Variants in COL18A1 observed in about 807,000 individuals in gnomAD.
COL18A1 encodes collagen type XVIII alpha 1 chain, also known as collagen alpha-1(XVIII) chain.
COL18A1 carries 133 observed loss-of-function variants against 168.0 expected under a neutral mutation model. The observed-to-expected ratio is 0.79, with a 90% CI of 0.69 to 0.91. COL18A1 has a LOEUF of 0.91. Among genes scored for constraint, COL18A1 ranks in the 40% least tolerant of loss-of-function variants. COL18A1 has a pLI of 0.00. For synonymous variants in COL18A1, 949 were observed against 809.0 expected (o/e 1.17, Z -2.94); for missense variants, 2,126 against 1,925.4 (o/e 1.10, Z -1.95).
At chr21:45,501,340 G>A (rs1291644191) in intron 32 of COL18A1, among the ~76,000 whole-genome samples, 1 of 152,072 alleles carries the variant, frequency 6.6e-6, no homozygotes, top group African/African-American at 2.4e-5. Context: ...CTGAACATCA[G>A]GTCTGACAGG....
rs572421102 is a variant in COL18A1, at chr21:45,471,991, C to T, written c.652-1904C>T. On this transcript the variant is annotated intron_variant, in intron 3 of 41. Transcript: ENST00000651438. This position sits in a 1 kb window ranked among gnomAD's most constrained non-coding sequence, Gnocchi z 4.4. ...TCAGAGCTTCTCTGCCCTCTGTAGTCGCCCCCCACCCAGGCACCCTGTAGC... is the reference window on the plus strand; with the variant it reads ...TCAGAGCTTCTCTGCCCTCTGTAGTTGCCCCCCACCCAGGCACCCTGTAGC... 6.6e-6 allele frequency among the ~76,000 whole-genome samples: 1 copy of T among 152,290 alleles called. No individual in the cohort carries two copies. Among genetic ancestry groups the T allele is most frequent in the African/African-American group, 2.4e-5 (1 of 41,566 alleles).
At chr21:45,479,064 A>G (rs1335638939) in intron 9 of COL18A1, among the ~76,000 whole-genome samples, 1 of 143,248 alleles carries the variant, frequency 7.0e-6, no homozygotes, top group Non-Finnish European at 1.5e-5. Context: ...CCACTGCAAC[A>G]GGGTACACGC....
intron 2 of COL18A1, 65 bp from the exon 3 acceptor site, chr21:45,468,177 G>T: frequency 6.3e-7 from 1 of 1,577,120 alleles, no homozygotes; most frequent in South Asian, 1.1e-5. Context: ...GCCTCTCCAG[G>T]CCGCGTCGGT....
At chr21:45,479,338 ATACACACAC>A (rs987230186) in intron 9 of COL18A1, among the ~76,000 whole-genome samples, 7 of 149,028 alleles carry the variant, frequency 4.7e-5, no homozygotes, top group African/African-American at 1.2e-4. Context: ...ATACACTTGC[ATACACACAC>A]TACACACACG....
chr21:45,448,892 C>T (rs907583456), intron 2 of COL18A1, among the ~76,000 whole-genome samples: 7 of 152,296 alleles, frequency 4.6e-5, no homozygotes, highest in East Asian at 1.9e-4. Flanking sequence ...TTCTTCCTAA[C>T]GTGGCAGTCC....
rs189259306 is a variant in COL18A1, at chr21:45,415,972, G to A, written c.106+10499G>A. Among the ~76,000 whole-genome samples, 28 of 152,276 alleles carry A rather than the reference G, an allele frequency of 1.8e-4. 1 individual carries two copies. Among genetic ancestry groups the A allele is most frequent in the Middle Eastern group, 3.4e-3 (1 of 294 alleles). ...ACACTGCGTGGGCCCTCGGCTATCT[G>A]GAATGCCTCGCCGGGCCTTTCAATT... is the stretch of plus-strand genomic sequence containing the variant. On this transcript the variant is annotated intron_variant, in intron 2 of 41. Coordinates refer to ENST00000651438, the MANE Select transcript of COL18A1 (RefSeq NM_001379500.1).
intron 2 of COL18A1, chr21:45,455,846 A>T: frequency 6.2e-7 from 1 of 1,613,100 alleles, no homozygotes; most frequent in Non-Finnish European, 8.5e-7. Context: ...GCCAGAGGAG[A>T]ACATTGCCGG....
chr21:45,491,135 TCTGGGCACCCCCTCCAGGG>T, intron 21 of COL18A1, 71 bp from the exon 22 acceptor site: 1 of 1,205,190 alleles, frequency 8.3e-7, no homozygotes, highest in South Asian at 1.2e-5. Context: ...CACCGTGGGC[TCTGGGCACCCCCTCCAGGG>T]CTGGGTGGAC....
rs774716380 is a variant in COL18A1, at chr21:45,457,730, C to T, written c.107-10512C>T. ...GCAGCCTTGGCCCAGAGGCCCTATC[C>T]CCGCAGGGTGAGGTGCTCTGTCCTC... On this transcript the variant is annotated intron_variant, in intron 2 of 41. Transcript: ENST00000651438. The surrounding 1 kb of genome is among the most constrained non-coding windows in gnomAD (Gnocchi z 4.6). Among the ~76,000 whole-genome samples, 20 of 152,202 alleles carry T rather than the reference C, an allele frequency of 1.3e-4. No individual in the cohort carries two copies. Among genetic ancestry groups the T allele is most frequent in the Non-Finnish European group, 1.2e-4 (8 of 68,040 alleles).
intron 29 of COL18A1, 155 bp downstream of exon 29, chr21:45,495,587 C>A: frequency 1.6e-6 from 1 of 626,892 alleles, no homozygotes; most frequent in Non-Finnish European, 2.8e-6. Context: ...TACCCATGCA[C>A]AGTCATACAT....
rs1383574663 is a variant in COL18A1, at chr21:45,477,437, G to C, written c.955G>C (p.Val319Leu). The C allele has an allele frequency of 6.2e-7, 1 of 1,613,084 alleles. No individual in the cohort carries two copies. The highest frequency in any genetic ancestry group is 8.5e-7 in the Non-Finnish European group (1 of 1,179,688). Residue 319 changes from valine to leucine, a missense_variant, in exon 7 of 42, where the codon GTC becomes CTC. Transcript: ENST00000651438. ...TCAGACACTTCCTGGCTCAGATTCTGTCTCCACGTGGGACGGGAGTGTCCG... is the reference window on the plus strand; with the variant it reads ...TCAGACACTTCCTGGCTCAGATTCTCTCTCCACGTGGGACGGGAGTGTCCG... ...GAQTLPGSDS[V>L]STWDGSVRTP...
chr21:45,484,234 A>G (rs565536971), intron 15 of COL18A1, among the ~76,000 whole-genome samples: 43 of 145,184 alleles, frequency 3.0e-4, no homozygotes, highest in African/African-American at 1.1e-3. Context: ...GCATATGTGC[A>G]CACACACCTC....
rs770031049 is a variant in COL18A1, at chr21:45,509,400, C to T, written c.3294C>T (p.His1098=). The change falls in exon 39 of 42, where the codon CAC becomes CAT. Residue 1098 remains histidine, a synonymous_variant. Transcript: ENST00000651438. ...AALQPPVVQL[H]DSNPYPRREH... ...TGCAGCCCCCCGTGGTGCAGCTGCA[C>T]GACAGCAACCCCTACCCGCGGCGGG... 114 of 1,542,764 alleles carry T rather than the reference C, an allele frequency of 7.4e-5. No homozygotes were observed. The Admixed American group carries it at 8.1e-4, about 11-fold the overall frequency.
At position 45,493,185 on chromosome 21, in the gene COL18A1, A is replaced by G; in HGVS notation, c.2237A>G (p.Asn746Ser). ...CAGGGACCTGCAGGACCCAAGGGCA[A>G]CCTGGGCTCTAAGGGCGAACGAGGC... ...GFPGPAGPKG[N>S]LGSKGERGSP... The change falls in exon 25 of 42, where the codon AAC (asparagine) becomes AGC (serine). Residue 746 changes from asparagine (N) to serine (S), a missense_variant. Transcript: ENST00000651438. The G allele has an allele frequency of 1.3e-6, 2 of 1,562,138 alleles. No homozygotes were observed. Among genetic ancestry groups the G allele is most frequent in the Non-Finnish European group, 1.7e-6 (2 of 1,153,150 alleles).
At chr21:45,428,017 C>T (rs137975649) in intron 2 of COL18A1, among the ~76,000 whole-genome samples, 189 of 152,336 alleles carry the variant, frequency 1.2e-3, no homozygotes, top group African/African-American at 4.3e-3. Flanking sequence ...TCACAGCCAA[C>T]GCAGCCTACT....
At chr21:45,485,347 G>A (rs2036073770) in intron 15 of COL18A1, among the ~76,000 whole-genome samples, 1 of 150,822 alleles carries the variant, frequency 6.6e-6, no homozygotes, top group Non-Finnish European at 1.5e-5. Flanking sequence ...AAAATTAGAT[G>A]AGGCTGGACA....
Position 45,498,686 on chromosome 21 carries a change from G to A in COL18A1, c.2683+1025G>A. The A allele has an allele frequency of 1.5e-6, 1 of 662,064 alleles. No individual in the cohort carries two copies. Among genetic ancestry groups the A allele is most frequent in the South Asian group, 1.7e-5 (1 of 59,846 alleles). The allele number at this position is 662,064 out of a possible 1,614,324, so 41.0% of individuals were successfully genotyped here. ...GCCCATGCCAGCCTTGGATCTCTCA[G>A]CGTCACACACGACGCCCAGGAAGGA... is the stretch of plus-strand genomic sequence containing the variant. On this transcript the variant is annotated intron_variant, in intron 32 of 41. Coordinates refer to ENST00000651438, the MANE Select transcript of COL18A1 (RefSeq NM_001379500.1). This position sits in a 1 kb window ranked among gnomAD's most constrained non-coding sequence, Gnocchi z 4.5.
Position 45,496,552 on chromosome 21 carries a change from C to A in COL18A1, c.2561C>A (p.Pro854His). Residue 854 changes from proline to histidine, a missense_variant, in exon 30 of 42, where the codon CCT (proline) becomes CAT (histidine). Pro to His is a moderately conservative substitution (Grantham distance 77). Transcript: ENST00000651438. Reference protein sequence around the residue: ...PPGPPGPPGTPVYDSNVFAES... With the variant: ...PPGPPGPPGTHVYDSNVFAES... The stretch of plus-strand genomic sequence containing the variant: ...GGGCCCCCAGGCCCTCCAGGGACTC[C>A]TGTTTACGACAGCAATGTAAGTCCC... 6.6e-7 allele frequency: 1 copy of A among 1,505,872 alleles called. No homozygotes were observed. The highest frequency in any genetic ancestry group is 9.2e-7 in the Non-Finnish European group (1 of 1,082,190). The allele number at this position is 1,505,872 out of a possible 1,614,324, so 93.3% of individuals were successfully genotyped here.
At chr21:45,474,110 T>C in intron 4 of COL18A1, 129 bp downstream of exon 4, 1 of 702,392 alleles carries the variant, frequency 1.4e-6, no homozygotes, top group Non-Finnish European at 2.5e-6. Context: ...GCGATACCAT[T>C]TCTGTGCTCT....
Sources: allele counts gnomAD v4.1 joint callset (sites outside exome capture counted in the v4.1 genomes callset), GRCh38; gene constraint gnomAD v4.1.1; non-coding constraint Gnocchi (gnomAD v3.1); transcripts MANE v1.5; gene names NCBI Gene and HGNC (gene_info 2026-07-23, HGNC 2026-07-21).